ATAD2B: variants seen among roughly 807,000 people sequenced by gnomAD.
ATAD2B encodes the protein ATPase family AAA domain containing 2B.
In ATAD2B, 40 loss-of-function variants were observed where a neutral mutation model predicts 167.6. The ratio of observed to expected loss-of-function variants is 0.24; its 90% CI spans 0.19 to 0.31. The LOEUF (loss-of-function observed/expected upper bound fraction) is 0.31, where lower values mean the gene tolerates loss of function less well. Ranked by LOEUF, ATAD2B falls within the 10% of genes least tolerant of loss-of-function variation. The pLI, the probability that ATAD2B is intolerant of heterozygous loss-of-function variation, is 1.00. For synonymous variants in ATAD2B, 579 were observed against 596.5 expected (o/e 0.97, Z 0.43); for missense variants, 1,242 against 1,757.2 (o/e 0.71, Z 5.24).
intron 1 of ATAD2B, among the ~76,000 whole-genome samples, chr2:23,911,299 A>T (rs1702266193): frequency 6.6e-6 from 1 of 152,126 alleles, no homozygotes; most frequent in African/African-American, 2.4e-5. Flanking sequence ...TTACACCTGT[A>T]ATCCCAGCAC....
intron 17 of ATAD2B, among the ~76,000 whole-genome samples, chr2:23,817,546 G>A (rs192662527): frequency 1.2e-3 from 185 of 152,168 alleles, no homozygotes; most frequent in Non-Finnish European, 1.7e-3. Context: ...CAGCACTTTC[G>A]CCATATTGAA....
intron 13 of ATAD2B, among the ~76,000 whole-genome samples, chr2:23,836,681 G>T (rs577823796): frequency 6.6e-6 from 1 of 152,126 alleles, no homozygotes; most frequent in South Asian, 2.1e-4. Flanking sequence ...GTGTTGTTCA[G>T]CTCTCAGCAG....
At chr2:23,862,599 G>A (rs1430449151) in intron 12 of ATAD2B, among the ~76,000 whole-genome samples, 3 of 151,838 alleles carry the variant, frequency 2.0e-5, no homozygotes, top group South Asian at 2.1e-4. Context: ...AAACGTATAG[G>A]AAATAATATC....
rs752681744 is a variant in ATAD2B at position 23,754,689 on chromosome 2, A to G, written c.4164T>C (p.Ser1388=). Residue 1388 remains serine, a synonymous_variant, in exon 26 of 28, where the codon TCT becomes TCC. Coordinates refer to ENST00000238789, the MANE Select transcript of ATAD2B (RefSeq NM_017552.4). ...CAACTATAAGAGGAGGCACAGGCTC[A>G]GATGGCTCTTCTGGAACCAGTTCCA... The part of the protein sequence containing the change: ...TSLELVPEEP[S]EPVPPLIVDR... The G allele has an allele frequency of 1.2e-6, 2 of 1,613,258 alleles. No individual in the cohort carries two copies. The highest frequency in any genetic ancestry group is 8.5e-7 in the Non-Finnish European group (1 of 1,179,424).
At chr2:23,893,439 C>T (rs895391434) in intron 2 of ATAD2B, among the ~76,000 whole-genome samples, 2 of 152,000 alleles carry the variant, frequency 1.3e-5, no homozygotes, top group African/African-American at 2.4e-5. Context: ...AGGTTCATGA[C>T]ATAAAAACAA....
At chr2:23,848,945 A>C (rs1692117078) in intron 13 of ATAD2B, among the ~76,000 whole-genome samples, 1 of 152,202 alleles carries the variant, frequency 6.6e-6, no homozygotes, top group African/African-American at 2.4e-5. Flanking sequence ...TATTGTGTAC[A>C]TACATATAGT....
At chr2:23,887,608 C>T (rs911906109) in intron 4 of ATAD2B, among the ~76,000 whole-genome samples, 5 of 152,084 alleles carry the variant, frequency 3.3e-5, no homozygotes, top group East Asian at 1.9e-4. Context: ...AGACGTTGAA[C>T]GGATAGTCAG....
intron 16 of ATAD2B, among the ~76,000 whole-genome samples, chr2:23,821,355 G>T (rs1163014447): frequency 6.6e-6 from 1 of 152,060 alleles, no homozygotes; most frequent in African/African-American, 2.4e-5. Context: ...GGGACGTTTT[G>T]GTACATAACA....
At chr2:23,772,603 C>T (rs1678497681) in intron 22 of ATAD2B, among the ~76,000 whole-genome samples, 1 of 152,112 alleles carries the variant, frequency 6.6e-6, no homozygotes, top group Admixed American at 6.5e-5. Flanking sequence ...TATCCCAACA[C>T]TACCCTAAAT....
At chr2:23,834,346 G>A (rs1217786439) in intron 13 of ATAD2B, among the ~76,000 whole-genome samples, 1 of 151,652 alleles carries the variant, frequency 6.6e-6, no homozygotes, top group African/African-American at 2.4e-5. Flanking sequence ...ATTTTTAGTA[G>A]AGATGGGGTT....
At chr2:23,690,228 G>A in the ATAD2B span, 9 of 152,258 alleles carry the variant, frequency 5.9e-5, no homozygotes, top group Admixed American at 3.3e-4. Context: ...GAGTCTCGTG[G>A]GAAGGGCATT....
At chr2:23,711,419 G>C in the ATAD2B span, among the ~76,000 whole-genome samples, 1 of 120,374 alleles carries the variant, frequency 8.3e-6, no homozygotes, top group East Asian at 2.8e-4. Flanking sequence ...AGGCTGGATG[G>C]AGTGCAATGA....
At chr2:23,756,694 G>A (rs972286983) in intron 25 of ATAD2B, among the ~76,000 whole-genome samples, 1 of 152,098 alleles carries the variant, frequency 6.6e-6, no homozygotes, top group African/African-American at 2.4e-5. Context: ...TGAGAACAAG[G>A]TAAACTTGAC....
chr2:23,822,751 A>G (rs923313853), intron 16 of ATAD2B, among the ~76,000 whole-genome samples: 1 of 150,496 alleles, frequency 6.6e-6, no homozygotes, highest in African/African-American at 2.4e-5. Flanking sequence ...CCCTATCTCT[A>G]CTAAAAATAC....
chr2:23,742,662 A>G, the ATAD2B span, among the ~76,000 whole-genome samples: 1 of 152,000 alleles, frequency 6.6e-6, no homozygotes, highest in Non-Finnish European at 1.5e-5. Context: ...TATGTAAGAA[A>G]CCTGCATGTT....
At chr2:23,861,189 A>C (rs1335897669) in intron 12 of ATAD2B, among the ~76,000 whole-genome samples, 3 of 150,146 alleles carry the variant, frequency 2.0e-5, no homozygotes, top group Admixed American at 6.7e-5. Flanking sequence ...ACAGTATTGC[A>C]AAAAGGAGGT....
the ATAD2B span, chr2:23,691,286 C>A: frequency 3.7e-6 from 1 of 269,278 alleles, no homozygotes; most frequent in Non-Finnish European, 7.2e-6. Flanking sequence ...ATCTGCCACC[C>A]AAGGCAGGCA....
At chr2:23,871,921 C>T (rs144856267) in intron 8 of ATAD2B, among the ~76,000 whole-genome samples, 356 of 152,150 alleles carry the variant, frequency 2.3e-3, no homozygotes, top group African/African-American at 8.2e-3. Context: ...ACGGTCACCC[C>T]GGCTAGAGTG....
rs531120527 is a variant in ATAD2B at position 23,924,348 on chromosome 2, T to C, written c.216+2207A>G. 5.9e-5 allele frequency among the ~76,000 whole-genome samples: 9 copies of C among 152,298 alleles called. No individual in the cohort carries two copies. The South Asian group carries it at 1.9e-3, about 32-fold the overall frequency. ...CCCCATTTTGCACCAAATGAGACTT[T>C]ACAGACACTGGCAAATGCTTATTAC... On this transcript the variant is annotated intron_variant, in intron 1 of 27. Coordinates refer to ENST00000238789, the MANE Select transcript of ATAD2B (RefSeq NM_017552.4).
Sources: gnomAD v4.1 joint callset for allele counts (sites outside exome capture counted in the v4.1 genomes callset) on GRCh38, gnomAD v4.1.1 for gene constraint, MANE v1.5 for transcripts, NCBI Gene and HGNC (gene_info 2026-07-23, HGNC 2026-07-21) for gene names.